TCEA3: variants seen among roughly 807,000 people sequenced by gnomAD.
TCEA3 encodes the protein transcription elongation factor A protein 3.
A neutral mutation model predicts 44.0 loss-of-function variants in TCEA3; 36 were observed. The observed-to-expected ratio is 0.82, with a 90% CI of 0.63 to 1.08. TCEA3 has a LOEUF of 1.08. Ranked by LOEUF, TCEA3 falls within the 50% of genes least tolerant of loss-of-function variation. TCEA3 has a pLI of 0.00. For missense variants in TCEA3, 392 were observed against 441.2 expected (o/e 0.89, Z 1.00); for synonymous variants, 162 against 159.7 (o/e 1.01, Z -0.11).
chr1:23,382,557 C>T (rs1320162335), intron 10 of TCEA3, among the ~76,000 whole-genome samples: 6 of 152,200 alleles, frequency 3.9e-5, no homozygotes, highest in African/African-American at 1.4e-4. Flanking sequence ...TGAAACGTAG[C>T]CCCTGCTCTG....
intron 8 of TCEA3, among the ~76,000 whole-genome samples, chr1:23,391,660 C>T (rs1275464877): frequency 2.0e-5 from 3 of 152,076 alleles, no homozygotes; most frequent in Admixed American, 1.3e-4. Flanking sequence ...TCATGGTTCA[C>T]GCCTGTAATC....
At chr1:23,414,881 T>C (rs1639840764) in intron 4 of TCEA3, among the ~76,000 whole-genome samples, 2 of 152,276 alleles carry the variant, frequency 1.3e-5, no homozygotes, top group South Asian at 4.1e-4. Context: ...TTTCAGGCCA[T>C]AATACTGAGT....
At chr1:23,420,018 T>A (rs1208418619) in intron 1 of TCEA3, among the ~76,000 whole-genome samples, 1 of 152,146 alleles carries the variant, frequency 6.6e-6, no homozygotes, top group African/African-American at 2.4e-5. Flanking sequence ...CCCTTTCTAA[T>A]CCATCCCTCC....
In TCEA3 at chr1:23,417,267, C is replaced by T. The variant is rs774600357; in HGVS notation, c.362G>A (p.Arg121Gln). The change falls in exon 4 of 11, where the codon CGA (arginine) becomes CAA (glutamine). Residue 121 changes from arginine (R) to glutamine (Q), a missense_variant. Physicochemically the swap from Arg to Gln is conservative, Grantham distance 43 (BLOSUM62 1). Transcript: ENST00000450454. ...AGAATACCTGGTTTTGGGGTCTTCT[C>T]GTTTTTTCCTTGGTGGAGAAAGGCC... ...EAGLSPPRKK[R>Q]EDPKTRRDSV... The T allele has an allele frequency of 9.3e-6, 15 of 1,613,698 alleles. No homozygotes were observed. In the Admixed American group the frequency reaches 2.0e-4, roughly 22 times the overall value.
intron 8 of TCEA3, among the ~76,000 whole-genome samples, chr1:23,389,504 C>G (rs1395074647): frequency 1.5e-5 from 2 of 130,214 alleles, no homozygotes; most frequent in East Asian, 2.2e-4. Context: ...AAAAAAAAAG[C>G]CAGGCATTGG....
At chr1:23,419,400 A>G (rs933094376) in intron 1 of TCEA3, 23 of 325,302 alleles carry the variant, frequency 7.1e-5, no homozygotes, top group African/African-American at 4.3e-4. Flanking sequence ...GCCTCTCCCC[A>G]GGAATGCCCT....
At position 23,417,153 on chromosome 1, in the gene TCEA3, C is replaced by A. The variant is rs765829122; in HGVS notation, c.380+96G>T. Reference sequence around the variant, plus strand: ...GAGATAATACCAATATCTTCCTCCCCAGGATGAAAGGTTTAAATGAGATAA... The same window carrying A: ...GAGATAATACCAATATCTTCCTCCCAAGGATGAAAGGTTTAAATGAGATAA... On this transcript the variant is annotated intron_variant, in intron 4 of 10. Transcript: ENST00000450454. 5.4e-5 allele frequency: 79 copies of A among 1,449,828 alleles called. No individual in the cohort carries two copies. The Middle Eastern group carries it at 1.1e-3, about 20-fold the overall frequency. 89.8% of individuals were successfully genotyped at this position (1,449,828 alleles called of 1,614,324 possible). A position where few individuals can be genotyped will look rare whatever the true frequency, so the allele number is the denominator to read the frequency against.
chr1:23,393,937 C>A lies in TCEA3; in HGVS notation c.761G>T (p.Arg254Leu). The part of the protein sequence containing the change: ...NLKDPRNPGL[R>L]RNVLSGAISA... Reference sequence around the variant, plus strand: ...GATGGCCCCACTGAGCACGTTCCGCCGCAGGCCGGGGTTCCTGGGGTCCTT... The same window carrying A: ...GATGGCCCCACTGAGCACGTTCCGCAGCAGGCCGGGGTTCCTGGGGTCCTT... The change falls in exon 8 of 11, where the codon CGG becomes CTG. Residue 254 changes from arginine (R) to leucine (L), a missense_variant. Coordinates refer to ENST00000450454, the MANE Select transcript of TCEA3 (RefSeq NM_003196.3). 1 of 1,613,976 alleles carries A rather than the reference C, an allele frequency of 6.2e-7. No homozygotes were observed. The highest frequency in any genetic ancestry group is 1.1e-5 in the South Asian group (1 of 91,088).
At chr1:23,391,042 A>G (rs995893702) in intron 8 of TCEA3, among the ~76,000 whole-genome samples, 2 of 151,982 alleles carry the variant, frequency 1.3e-5, no homozygotes, top group Non-Finnish European at 2.9e-5. Context: ...GTTCTGAGAG[A>G]GACACCGTCC....
intron 1 of TCEA3, 97 bp from the exon 2 acceptor site, chr1:23,419,236 C>T: frequency 1.1e-6 from 1 of 897,046 alleles, no homozygotes; most frequent in Non-Finnish European, 1.7e-6. Flanking sequence ...AGGATACAGA[C>T]AGACATGTGG....
At chr1:23,415,173 C>A (rs903937430) in intron 4 of TCEA3, among the ~76,000 whole-genome samples, 1 of 152,016 alleles carries the variant, frequency 6.6e-6, no homozygotes, top group Admixed American at 6.6e-5. Context: ...CAGGCGTGCA[C>A]CACTACCCCT....
intron 5 of TCEA3, among the ~76,000 whole-genome samples, chr1:23,401,601 C>G (rs1392821674): frequency 6.6e-6 from 1 of 152,166 alleles, no homozygotes; most frequent in African/African-American, 2.4e-5. Flanking sequence ...TGATCCTGGT[C>G]ACAGGGTTCC....
intron 9 of TCEA3, among the ~76,000 whole-genome samples, chr1:23,386,946 T>C (rs575533949): frequency 4.2e-4 from 64 of 152,028 alleles, no homozygotes; most frequent in African/African-American, 1.4e-3. Context: ...GGTCTCAATC[T>C]CCTGACCTCG....
intron 2 of TCEA3, 117 bp from the exon 3 acceptor site, chr1:23,418,126 G>A (rs1301979379): frequency 1.1e-5 from 11 of 1,000,610 alleles, no homozygotes; most frequent in African/African-American, 4.8e-5. Flanking sequence ...TGGACCCCCA[G>A]AGTCCTAGCC....
chr1:23,399,974 C>G (rs918399569), intron 5 of TCEA3, among the ~76,000 whole-genome samples: 2 of 152,010 alleles, frequency 1.3e-5, no homozygotes, highest in Non-Finnish European at 2.9e-5. Context: ...CTGTGCCCGG[C>G]CAAAAAAATG....
In TCEA3 at chr1:23,424,608, C is replaced by T. The variant is rs1219236324; in HGVS notation, c.26G>A (p.Arg9Lys). The change falls in exon 1 of 11, where the codon AGG (arginine) becomes AAG (lysine). Residue 9 changes from arginine to lysine, a missense_variant. Transcript: ENST00000450454. MGQEEELL[R>K]IAKKLEKMVA... The stretch of plus-strand genomic sequence containing the variant: ...CATCTTCTCCAGCTTTTTGGCGATC[C>T]TCAGCAGCTCCTCTTCCTGGCCCAT... The T allele has an allele frequency of 2.5e-6, 4 of 1,608,636 alleles. No individual in the cohort carries two copies. Among genetic ancestry groups the T allele is most frequent in the Admixed American group, 3.3e-5 (2 of 59,966 alleles).
intron 8 of TCEA3, among the ~76,000 whole-genome samples, chr1:23,388,629 C>T (rs1638926253): frequency 6.6e-6 from 1 of 152,088 alleles, no homozygotes; most frequent in Non-Finnish European, 1.5e-5. Flanking sequence ...ATGCAGATTC[C>T]TATGAATCTG....
intron 4 of TCEA3, among the ~76,000 whole-genome samples, chr1:23,409,471 A>G (rs1639650010): frequency 6.6e-6 from 1 of 151,928 alleles, no homozygotes; most frequent in African/African-American, 2.4e-5. Flanking sequence ...TTAATTGCAA[A>G]CCCCACTCCC....
chr1:23,389,940 G>T (rs1638970198), intron 8 of TCEA3, among the ~76,000 whole-genome samples: 2 of 152,314 alleles, frequency 1.3e-5, no homozygotes, highest in South Asian at 4.1e-4. Flanking sequence ...GATTCAGAAA[G>T]GAAGATCTGG....
Sources: gnomAD v4.1 joint callset for allele counts (sites outside exome capture counted in the v4.1 genomes callset) on GRCh38, gnomAD v4.1.1 for gene constraint, MANE v1.5 for transcripts, NCBI Gene and HGNC (gene_info 2026-07-23, HGNC 2026-07-21) for gene names.